The following GPHN variants were observed in gnomAD, a reference collection of about 807,000 sequenced individuals.
GPHN encodes gephyrin.
A neutral mutation model predicts 95.5 loss-of-function variants in GPHN; 17 were observed. The ratio of observed to expected loss-of-function variants is 0.18; its 90% CI spans 0.12 to 0.27. The LOEUF (loss-of-function observed/expected upper bound fraction) is 0.27, where lower values mean the gene tolerates loss of function less well. Among genes scored for constraint, GPHN ranks in the 10% least tolerant of loss-of-function variants. The pLI is 1.00. For missense variants in GPHN, 660 were observed against 978.1 expected, an observed-to-expected ratio of 0.67 and a Z score of 4.34; for synonymous variants, 320 against 322.5, an observed-to-expected ratio of 0.99 and a Z score of 0.08.
the GPHN span, among the ~76,000 whole-genome samples, chr14:67,441,518 G>A: frequency 2.0e-5 from 3 of 152,160 alleles, no homozygotes; most frequent in African/African-American, 7.2e-5. Flanking sequence ...CTTCTCCAAT[G>A]GGCTCAGTAG....
intron 8 of GPHN, among the ~76,000 whole-genome samples, chr14:66,963,334 A>G (rs868435492): frequency 2.6e-5 from 4 of 152,174 alleles, no homozygotes; most frequent in Non-Finnish European, 5.9e-5. Context: ...ATATGCAGTT[A>G]TGTGTATAAG....
the GPHN span, among the ~76,000 whole-genome samples, chr14:67,673,051 C>T: frequency 1.6e-4 from 24 of 152,356 alleles, no homozygotes; most frequent in African/African-American, 5.8e-4. Context: ...AGTCTCTGTT[C>T]AAACGCCATC....
chr14:67,424,078 A>C, the GPHN span, among the ~76,000 whole-genome samples: 1 of 152,014 alleles, frequency 6.6e-6, no homozygotes, highest in Non-Finnish European at 1.5e-5. Context: ...TTTCTACTAA[A>C]AATACAAAAA....
chr14:67,574,633 G>C, the GPHN span, among the ~76,000 whole-genome samples: 1 of 152,228 alleles, frequency 6.6e-6, no homozygotes, highest in African/African-American at 2.4e-5. The surrounding 1 kb of genome is among the most constrained non-coding windows in gnomAD (Gnocchi z 4.2). Context: ...TCTCAAGAAA[G>C]AGAAGGGAAG....
the GPHN span, among the ~76,000 whole-genome samples, chr14:67,190,068 A>ATTTTTTTTTTTTTTT: frequency 8.7e-6 from 1 of 115,448 alleles, no homozygotes. Context: ...TGCCCAGCTA[A>ATTTTTTTTTTTTTTT]TTTTTTTTTT....
At chr14:67,705,361 G>A in the GPHN span, among the ~76,000 whole-genome samples, 3 of 152,192 alleles carry the variant, frequency 2.0e-5, no homozygotes, top group Admixed American at 2.0e-4. Flanking sequence ...AGTGTCAGTA[G>A]GTTACATATT....
chr14:66,554,696 C>G (rs1374456720), intron 1 of GPHN, among the ~76,000 whole-genome samples: 1 of 152,162 alleles, frequency 6.6e-6, no homozygotes, highest in Non-Finnish European at 1.5e-5. Flanking sequence ...GGATACAAAG[C>G]TAAACCATAT....
chr14:67,343,225 T>A, the GPHN span: 13 of 522,424 alleles, frequency 2.5e-5, no homozygotes, highest in Non-Finnish European at 4.0e-5. Flanking sequence ...TTTTTTACTA[T>A]GGACACACTT....
intron 2 of GPHN, among the ~76,000 whole-genome samples, chr14:66,749,398 AG>A (rs923503488): frequency 7.2e-5 from 11 of 152,040 alleles, no homozygotes; most frequent in African/African-American, 2.6e-4. Flanking sequence ...CAGTGTGTTT[AG>A]TTTTGTAAGA....
chr14:66,583,438 T>C (rs2061283547), intron 1 of GPHN, among the ~76,000 whole-genome samples: 1 of 152,166 alleles, frequency 6.6e-6, no homozygotes, highest in Non-Finnish European at 1.5e-5. Flanking sequence ...GCTTTTGGTG[T>C]TTTAGACATG....
intron 1 of GPHN, among the ~76,000 whole-genome samples, chr14:66,658,015 C>T (rs758479762): frequency 6.6e-6 from 1 of 152,082 alleles, no homozygotes; most frequent in African/African-American, 2.4e-5. Context: ...AAAGGCTCAC[C>T]ATTCTAGATG....
chr14:66,925,327 G>C (rs552745658), intron 8 of GPHN, among the ~76,000 whole-genome samples: 1 of 151,994 alleles, frequency 6.6e-6, no homozygotes, highest in South Asian at 2.1e-4. Context: ...ACAAATTATT[G>C]CTGATTGTAA....
rs754029705 is a variant in GPHN, at chr14:67,100,838, C to T, written c.1238-18C>T. On this transcript the variant is annotated intron_variant, in intron 12 of 22. Coordinates refer to ENST00000478722, the MANE Select transcript of GPHN (RefSeq NM_020806.5). ...GGTCCATACTGATGTTTGTTCTTGG[C>T]TCTGTTCCATCTCACAGCTGCTGAT... The T allele has an allele frequency of 1.3e-6, 2 of 1,571,512 alleles. No homozygotes were observed. The highest frequency in any genetic ancestry group is 1.7e-5 in the Admixed American group (1 of 59,970).
At chr14:67,129,788 G>A (rs59004516) in intron 17 of GPHN, among the ~76,000 whole-genome samples, 11 of 125,018 alleles carry the variant, frequency 8.8e-5, no homozygotes, top group African/African-American at 2.7e-4. Context: ...GAAAGAAAGA[G>A]AGAGAGAGGG....
intron 3 of GPHN, among the ~76,000 whole-genome samples, chr14:66,804,005 G>GT (rs373688670): frequency 1.7e-4 from 26 of 151,160 alleles, no homozygotes; most frequent in East Asian, 1.2e-3. Context: ...TCTTTTGGGG[G>GT]TTTTTTTTGT....
At chr14:67,367,080 T>C in the GPHN span, among the ~76,000 whole-genome samples, 1 of 152,108 alleles carries the variant, frequency 6.6e-6, no homozygotes, top group Non-Finnish European at 1.5e-5. Flanking sequence ...TTCCCAAATC[T>C]CTGGTTTGTC....
chr14:66,953,144 T>A (rs2068223907), intron 8 of GPHN, among the ~76,000 whole-genome samples: 1 of 89,954 alleles, frequency 1.1e-5, no homozygotes, highest in Admixed American at 1.3e-4. Context: ...AAATGTTTAT[T>A]CACACCTTTT....
intron 3 of GPHN, among the ~76,000 whole-genome samples, chr14:66,808,299 A>T (rs975106834): frequency 6.6e-6 from 1 of 152,166 alleles, no homozygotes; most frequent in Non-Finnish European, 1.5e-5. Context: ...TGATACATGT[A>T]TCATCCATTT....
chr14:66,647,371 A>T (rs1249571613), intron 1 of GPHN, among the ~76,000 whole-genome samples: 2 of 151,522 alleles, frequency 1.3e-5, no homozygotes, highest in Non-Finnish European at 2.9e-5. Flanking sequence ...CATGATTCTC[A>T]CAGTTAGGTG....
Sources: allele counts gnomAD v4.1 joint callset (sites outside exome capture counted in the v4.1 genomes callset), GRCh38; gene constraint gnomAD v4.1.1; non-coding constraint Gnocchi (gnomAD v3.1); transcripts MANE v1.5; gene names NCBI Gene and HGNC (gene_info 2026-07-23, HGNC 2026-07-21).